The following SRGAP3 variants were observed in gnomAD, a reference collection of about 807,000 sequenced individuals.
The protein encoded by SRGAP3 is SLIT-ROBO Rho GTPase activating protein 3.
In SRGAP3, 39 loss-of-function variants were observed where a neutral mutation model predicts 121.1. The observed-to-expected ratio is 0.32, with a 90% CI of 0.25 to 0.42. The LOEUF is 0.42. Ranked by LOEUF, SRGAP3 falls within the 10% of genes least tolerant of loss-of-function variation. The pLI, the probability that SRGAP3 is intolerant of heterozygous loss-of-function variation, is 1.00. For synonymous variants in SRGAP3, 601 were observed against 570.0 expected (o/e 1.05, Z -0.77); for missense variants, 1,213 against 1,470.6 (o/e 0.82, Z 2.86).
chr3:9,213,588 C>G (rs891177185), intron 1 of SRGAP3, among the ~76,000 whole-genome samples: 1 of 152,220 alleles, frequency 6.6e-6, no homozygotes, highest in Admixed American at 6.5e-5. Flanking sequence ...TCACGCTTCC[C>G]CTTGCCTAAC....
intron 1 of SRGAP3, chr3:9,236,204 G>A (rs918327525): frequency 4.0e-5 from 7 of 177,084 alleles, no homozygotes; most frequent in Non-Finnish European, 7.3e-5. Context: ...TCACCACCTG[G>A]AGAGCTTCTA....
chr3:9,242,770 G>C (rs1017959621), intron 1 of SRGAP3, among the ~76,000 whole-genome samples: 69 of 152,290 alleles, frequency 4.5e-4, no homozygotes, highest in African/African-American at 1.3e-3. Context: ...CTGCAGCCTT[G>C]AACTCCTGGG....
intron 18 of SRGAP3, among the ~76,000 whole-genome samples, chr3:9,002,271 G>A (rs1942815449): frequency 2.6e-5 from 4 of 152,112 alleles, no homozygotes; most frequent in Admixed American, 2.6e-4. Context: ...TTCTTCTAAA[G>A]TAGGAATCAA....
Position 8,982,680 on chromosome 3 carries a change from A to C in SRGAP3, c.*2839T>G, listed in dbSNP as rs1574840408. Reference sequence around the variant, plus strand: ...GCTGTGGAGGGTGAGTGAGACATGCATAGTGCCAGATGAGGAAGTGGGAAC... The same window carrying C: ...GCTGTGGAGGGTGAGTGAGACATGCCTAGTGCCAGATGAGGAAGTGGGAAC... On this transcript the variant is annotated 3_prime_UTR_variant, in exon 22 of 22. Transcript: ENST00000383836. 2 of 142,048 alleles carry C rather than the reference A, an allele frequency of 1.4e-5. No individual in the cohort carries two copies. Among genetic ancestry groups the C allele is most frequent in the East Asian group, 1.7e-4 (1 of 5,814 alleles). The allele number at this position is 142,048 out of a possible 1,614,324, so 8.8% of individuals were successfully genotyped here.
At chr3:9,083,428 T>C (rs772249153) in intron 3 of SRGAP3, among the ~76,000 whole-genome samples, 14 of 152,230 alleles carry the variant, frequency 9.2e-5, no homozygotes, top group Non-Finnish European at 1.8e-4. Context: ...AATCTATGAA[T>C]AAACAAACAT....
intron 1 of SRGAP3, among the ~76,000 whole-genome samples, chr3:9,149,578 G>T (rs1161399058): frequency 6.6e-6 from 1 of 152,180 alleles, no homozygotes; most frequent in Non-Finnish European, 1.5e-5. Flanking sequence ...AAGATGCCTT[G>T]AGTGTCTCTG....
intron 1 of SRGAP3, among the ~76,000 whole-genome samples, chr3:9,165,025 C>T (rs1447957382): frequency 6.6e-6 from 1 of 152,256 alleles, no homozygotes; most frequent in Non-Finnish European, 1.5e-5. Flanking sequence ...CCAGCACCTG[C>T]CCTGTGGTTC....
chr3:9,052,234 TC>T (rs1945613096), intron 9 of SRGAP3, among the ~76,000 whole-genome samples: 1 of 152,174 alleles, frequency 6.6e-6, no homozygotes, highest in South Asian at 2.1e-4. Context: ...AGAATTAGCC[TC>T]CACTCTGGGT....
chr3:9,338,612 A>G (rs986852607), intron 1 of SRGAP3, among the ~76,000 whole-genome samples: 4 of 152,218 alleles, frequency 2.6e-5, no homozygotes, highest in Non-Finnish European at 5.9e-5. Context: ...TGCTTCCTCA[A>G]TCAGCCTCAG....
chr3:9,034,696 A>AAGT (rs1395050666), intron 11 of SRGAP3: 4 of 152,346 alleles, frequency 2.6e-5, no homozygotes, highest in Admixed American at 2.0e-4. Context: ...TTGGTTAGCT[A>AAGT]AGTCCATGTC....
chr3:9,185,754 C>T (rs1483450360), intron 1 of SRGAP3, among the ~76,000 whole-genome samples: 1 of 151,952 alleles, frequency 6.6e-6, no homozygotes, highest in African/African-American at 2.4e-5. Flanking sequence ...TCAGGCTGGT[C>T]TCAAACTCCT....
chr3:9,084,188 CCCA>C (rs1276019031), intron 3 of SRGAP3, among the ~76,000 whole-genome samples: 11 of 152,178 alleles, frequency 7.2e-5, no homozygotes, highest in Non-Finnish European at 1.6e-4. Flanking sequence ...GCTGGCCTCC[CCCA>C]CCTCCCAATA....
intron 2 of SRGAP3, among the ~76,000 whole-genome samples, chr3:9,114,064 A>G (rs1948721599): frequency 6.6e-6 from 1 of 152,154 alleles, no homozygotes; most frequent in African/African-American, 2.4e-5. Context: ...GACTAATTCC[A>G]TCCATTGAGT....
chr3:9,345,601 T>A (rs1348819187), intron 1 of SRGAP3, among the ~76,000 whole-genome samples: 1 of 151,586 alleles, frequency 6.6e-6, no homozygotes, highest in Non-Finnish European at 1.5e-5. Flanking sequence ...ATAGCCAACA[T>A]GGTGAAACCC....
intron 1 of SRGAP3, among the ~76,000 whole-genome samples, chr3:9,344,098 T>A (rs923637288): frequency 2.0e-4 from 31 of 152,322 alleles, no homozygotes; most frequent in African/African-American, 7.5e-4. Flanking sequence ...GACGGGCAGA[T>A]CACCTGAGGT....
Position 8,997,657 on chromosome 3 carries a change from A to G in SRGAP3, c.2228-3134T>C, listed in dbSNP as rs1942485727. ...AGCTTCTTGATGTTTTTCCTCCAAC[A>G]TCCTAGTATGACATTTTTTAAACAC... On this transcript the variant is annotated intron_variant, in intron 18 of 21. Transcript: ENST00000383836. Among the ~76,000 whole-genome samples, 3 of 152,128 alleles carry G rather than the reference A, an allele frequency of 2.0e-5. No homozygotes were observed. The South Asian group carries it at 6.2e-4, about 31-fold the overall frequency.
At chr3:9,081,561 A>C (rs1172030349) in intron 3 of SRGAP3, among the ~76,000 whole-genome samples, 1 of 152,232 alleles carries the variant, frequency 6.6e-6, no homozygotes, top group South Asian at 2.1e-4. Context: ...TGCATTTGAG[A>C]AAAAGCTAAT....
chr3:9,199,246 C>T (rs975777797), intron 1 of SRGAP3, among the ~76,000 whole-genome samples: 1 of 152,248 alleles, frequency 6.6e-6, no homozygotes, highest in African/African-American at 2.4e-5. Context: ...CTCACTCACA[C>T]GCGCTACCTC....
chr3:9,025,837 G>C (rs1944171261), intron 13 of SRGAP3, among the ~76,000 whole-genome samples: 4 of 152,146 alleles, frequency 2.6e-5, no homozygotes, highest in African/African-American at 9.7e-5. Context: ...ATCTTAATGA[G>C]AATTAATGGG....
Sources: allele counts gnomAD v4.1 joint callset (sites outside exome capture counted in the v4.1 genomes callset), GRCh38; gene constraint gnomAD v4.1.1; transcripts MANE v1.5; gene names NCBI Gene and HGNC (gene_info 2026-07-23, HGNC 2026-07-21).